Variants in GPC6 observed in about 807,000 individuals in gnomAD.
GPC6 encodes the protein glypican-6.
A neutral mutation model predicts 55.2 loss-of-function variants in GPC6; 14 were observed. That is an observed-to-expected ratio of 0.25 (90% CI 0.17 to 0.40). GPC6 has a LOEUF of 0.40. Ranked by LOEUF, GPC6 falls within the 10% of genes least tolerant of loss-of-function variation. GPC6 has a pLI of 1.00. For synonymous variants in GPC6, 278 were observed against 259.6 expected (o/e 1.07, Z -0.68); for missense variants, 641 against 708.5 (o/e 0.90, Z 1.08).
At chr13:93,576,960 C>T (rs115941395) in intron 2 of GPC6, among the ~76,000 whole-genome samples, 182 of 152,174 alleles carry the variant, frequency 1.2e-3, no homozygotes, top group African/African-American at 4.2e-3. Flanking sequence ...ACTTTAACTC[C>T]GTGTATTTGA....
chr13:94,358,391 AT>A (rs551698151), intron 6 of GPC6, among the ~76,000 whole-genome samples: 6 of 152,100 alleles, frequency 3.9e-5, no homozygotes, highest in East Asian at 1.9e-4. Context: ...ATAAAGACAG[AT>A]TTTTTTTAAT....
intron 3 of GPC6, among the ~76,000 whole-genome samples, chr13:93,832,876 T>A (rs74108875): frequency 0.034 from 5,250 of 152,222 alleles, 270 homozygotes; most frequent in East Asian, 0.17. Flanking sequence ...AGACCACCAT[T>A]CTTTTGCAGA....
At chr13:94,036,776 C>A (rs1474742387) in intron 4 of GPC6, among the ~76,000 whole-genome samples, 1 of 138,150 alleles carries the variant, frequency 7.2e-6, no homozygotes, top group Non-Finnish European at 1.7e-5. Flanking sequence ...TTCACACCAG[C>A]TTGAAGAGAT....
intron 3 of GPC6, among the ~76,000 whole-genome samples, chr13:93,846,183 T>C (rs1243146973): frequency 6.6e-6 from 1 of 152,078 alleles, no homozygotes; most frequent in East Asian, 1.9e-4. Context: ...ATTGTTCCTA[T>C]TTTATGTCAT....
intron 2 of GPC6, among the ~76,000 whole-genome samples, chr13:93,562,146 C>G (rs747229308): frequency 6.6e-6 from 1 of 151,872 alleles, no homozygotes; most frequent in East Asian, 1.9e-4. Context: ...TGTGATGGAG[C>G]CTTTCCCTTG....
chr13:93,873,709 C>T (rs1889200809), intron 3 of GPC6, among the ~76,000 whole-genome samples: 2 of 151,902 alleles, frequency 1.3e-5, no homozygotes, highest in South Asian at 2.1e-4. Flanking sequence ...ATAATGAATA[C>T]AACGTATTAT....
intron 2 of GPC6, among the ~76,000 whole-genome samples, chr13:93,632,156 A>G (rs1879473477): frequency 6.6e-6 from 1 of 152,192 alleles, no homozygotes; most frequent in African/African-American, 2.4e-5. Flanking sequence ...ATTGCCTCAA[A>G]TCCAATCTAG....
intron 5 of GPC6, among the ~76,000 whole-genome samples, chr13:94,294,745 T>C (rs979925417): frequency 6.6e-6 from 1 of 152,194 alleles, no homozygotes; most frequent in Non-Finnish European, 1.5e-5. Context: ...GTTTAGAATT[T>C]AGTTCAAATA....
At chr13:93,321,874 G>A (rs1200521100) in intron 1 of GPC6, among the ~76,000 whole-genome samples, 1 of 152,064 alleles carries the variant, frequency 6.6e-6, no homozygotes, top group Non-Finnish European at 1.5e-5. Flanking sequence ...GCTACCTGCT[G>A]GATGGGCTTT....
At chr13:93,824,462 C>A (rs1455918859) in intron 2 of GPC6, among the ~76,000 whole-genome samples, 1 of 152,140 alleles carries the variant, frequency 6.6e-6, no homozygotes, top group Admixed American at 6.5e-5. Flanking sequence ...AGATAATGCA[C>A]TATGAAGTCA....
intron 3 of GPC6, among the ~76,000 whole-genome samples, chr13:93,918,764 C>T (rs372040595): frequency 1.3e-5 from 2 of 152,188 alleles, no homozygotes; most frequent in East Asian, 3.9e-4. Flanking sequence ...CCTGATCCAG[C>T]AGATGTTCCC....
chr13:93,256,096 G>A (rs1205184787), intron 1 of GPC6, among the ~76,000 whole-genome samples: 1 of 151,240 alleles, frequency 6.6e-6, no homozygotes, highest in Non-Finnish European at 1.5e-5. Context: ...CTTGAGCCCA[G>A]GAGGCAGAGA....
At chr13:93,229,126 T>G (rs1875921741) in intron 1 of GPC6, among the ~76,000 whole-genome samples, 1 of 152,208 alleles carries the variant, frequency 6.6e-6, no homozygotes. Flanking sequence ...CTCCTTAATT[T>G]GTTAATCAAT....
At position 93,238,424 on chromosome 13, in the gene GPC6, C is replaced by T. The variant is rs141956164; in HGVS notation, c.160+10808C>T. Among the ~76,000 whole-genome samples the T allele has an allele frequency of 3.2e-3, 482 of 152,144 alleles. 2 individuals are homozygous for T. The highest frequency in any genetic ancestry group is 0.011 in the African/African-American group (458 of 41,550). Reference sequence around the variant, plus strand: ...AGTGCCACTGATTTGCATGGGTTGGCCTTGTAACCTGAGATATTACTGAGT... The same window carrying T: ...AGTGCCACTGATTTGCATGGGTTGGTCTTGTAACCTGAGATATTACTGAGT... On this transcript the variant is annotated intron_variant, in intron 1 of 8. Transcript: ENST00000377047.
At chr13:93,221,846 A>G (rs554901333), upstream of GPC6, among the ~76,000 whole-genome samples, 21 of 152,336 alleles carry the variant, frequency 1.4e-4, no homozygotes, top group South Asian at 8.3e-4. Context: ...GAGATGTGGA[A>G]TAGACACTTG....
At chr13:94,268,870 G>C (rs1009639725) in intron 4 of GPC6, among the ~76,000 whole-genome samples, 5 of 152,056 alleles carry the variant, frequency 3.3e-5, no homozygotes, top group African/African-American at 1.2e-4. Context: ...GCATTTCCTG[G>C]CCTTTCACAT....
intron 4 of GPC6, among the ~76,000 whole-genome samples, chr13:94,036,581 T>A (rs976590448): frequency 6.6e-6 from 1 of 151,968 alleles, no homozygotes; most frequent in South Asian, 2.1e-4. Flanking sequence ...CTCGGGAAAT[T>A]AGCTGATTTG....
intron 2 of GPC6, among the ~76,000 whole-genome samples, chr13:93,560,624 G>C (rs1056664167): frequency 6.6e-6 from 1 of 152,076 alleles, no homozygotes; most frequent in Non-Finnish European, 1.5e-5. Context: ...GAGAGGCCAA[G>C]GCGGGCGGAT....
intron 4 of GPC6, among the ~76,000 whole-genome samples, chr13:94,165,287 T>C (rs549912093): frequency 0.022 from 3,340 of 148,772 alleles, 131 homozygotes; most frequent in African/African-American, 0.077. Flanking sequence ...TATATATATA[T>C]ATATACATAA....
Sources: gnomAD v4.1 joint callset for allele counts (sites outside exome capture counted in the v4.1 genomes callset) on GRCh38, gnomAD v4.1.1 for gene constraint, MANE v1.5 for transcripts, NCBI Gene and HGNC (gene_info 2026-07-23, HGNC 2026-07-21) for gene names.